ARHGEF33: variants seen among roughly 807,000 people sequenced by gnomAD.
ARHGEF33 encodes the protein Rho guanine nucleotide exchange factor 33, also known as DH and coiled-coil domain-containing protein ENSP00000381780.
ARHGEF33 carries 72 observed loss-of-function variants against 101.9 expected under a neutral mutation model. That is an observed-to-expected ratio of 0.71 (90% CI 0.58 to 0.86). The LOEUF (loss-of-function observed/expected upper bound fraction) is 0.86, where lower values mean the gene tolerates loss of function less well. Among genes scored for constraint, ARHGEF33 ranks in the 40% least tolerant of loss-of-function variants. The pLI is 0.00. For missense variants in ARHGEF33, 1,169 were observed against 1,111.3 expected, an observed-to-expected ratio of 1.05 and a Z score of -0.74; for synonymous variants, 499 against 442.5, an observed-to-expected ratio of 1.13 and a Z score of -1.60.
At chr2:38,936,393 C>G (rs563396959) in intron 8 of ARHGEF33, among the ~76,000 whole-genome samples, 3 of 152,118 alleles carry the variant, frequency 2.0e-5, no homozygotes, top group African/African-American at 7.2e-5. Flanking sequence ...TTTTTGGCAC[C>G]CTTCCTCCTC....
In ARHGEF33 at chr2:38,960,603, A is replaced by C; in HGVS notation, c.2298A>C (p.Gln766His). ...ARGASRTFFP[Q>H]QRSQSEKQTY... ...GCGCATCCAGGACCTTCTTCCCCCA[A>C]CAGAGGTCCCAAAGCGAAAAACAGA... Residue 766 changes from glutamine (Q) to histidine (H), a missense_variant, in exon 16 of 18, where the codon CAA becomes CAC. Gln to His is a conservative substitution (Grantham distance 24, BLOSUM62 0). Transcript: ENST00000409978. 7.1e-7 allele frequency: 1 copy of C among 1,415,270 alleles called. No individual in the cohort carries two copies. The highest frequency in any genetic ancestry group is 9.3e-7 in the Non-Finnish European group (1 of 1,069,684). The allele number at this position is 1,415,270 out of a possible 1,614,324, so 87.7% of individuals were successfully genotyped here.
In ARHGEF33 at chr2:38,938,224, C is replaced by T. The variant is rs544032811; in HGVS notation, c.790+665C>T. 2.4e-4 allele frequency among the ~76,000 whole-genome samples: 37 copies of T among 152,144 alleles called. No individual in the cohort carries two copies. In the South Asian group the frequency reaches 7.3e-3, roughly 30 times the overall value. ...AGGCTCAGGCTGGGTACACAGTCTT[C>T]CCCTGCTTCTATGTTTTTAAAAGAT... is the stretch of plus-strand genomic sequence containing the variant. On this transcript the variant is annotated intron_variant, in intron 9 of 17. Coordinates refer to ENST00000409978, the MANE Select transcript of ARHGEF33 (RefSeq NM_001145451.5).
At chr2:38,927,471 G>A (rs777310590) in intron 4 of ARHGEF33, among the ~76,000 whole-genome samples, 2 of 152,230 alleles carry the variant, frequency 1.3e-5, no homozygotes, top group Non-Finnish European at 2.9e-5. Flanking sequence ...CAAGAAGGGT[G>A]GATCACCTGA....
rs1280246672 is a variant in ARHGEF33 at position 38,926,666 on chromosome 2, T to G, written c.76-2241T>G. On this transcript the variant is annotated intron_variant, in intron 4 of 17. Transcript: ENST00000409978. Reference sequence around the variant, plus strand: ...TGTCACCTGGCTGTTAGGGGAAAATTTTAATAATTTTTTGAGAGCTGGGGT... The same window carrying G: ...TGTCACCTGGCTGTTAGGGGAAAATGTTAATAATTTTTTGAGAGCTGGGGT... Among the ~76,000 whole-genome samples, 10 of 152,184 alleles carry G rather than the reference T, an allele frequency of 6.6e-5. No individual in the cohort carries two copies. In the East Asian group the frequency reaches 1.9e-3, roughly 29 times the overall value.
rs1668125364 is a variant in ARHGEF33 at position 38,969,672 on chromosome 2, G to C, written c.2483+3527G>C. ...CACATTTGTCCTGGGCAGACACAAG[G>C]TCACATGTCCCTGAAAGGTATCCAT... On this transcript the variant is annotated intron_variant, in intron 17 of 17. Transcript: ENST00000409978. 5 of 156,564 alleles carry C rather than the reference G, an allele frequency of 3.2e-5. No individual in the cohort carries two copies. In the Admixed American group the frequency reaches 3.3e-4, roughly 10 times the overall value. The allele number at this position is 156,564 out of a possible 1,614,324, so 9.7% of individuals were successfully genotyped here.
chr2:38,944,287 C>T (rs1370174447), intron 10 of ARHGEF33, among the ~76,000 whole-genome samples: 8 of 152,172 alleles, frequency 5.3e-5, no homozygotes, highest in Non-Finnish European at 8.8e-5. Context: ...GATCGAGGTG[C>T]TGGCAGATTG....
At chr2:38,954,725 C>T (rs1345078676) in intron 13 of ARHGEF33, among the ~76,000 whole-genome samples, 1 of 150,368 alleles carries the variant, frequency 6.7e-6, no homozygotes, top group Non-Finnish European at 1.5e-5. Context: ...CCTCTGCCTC[C>T]TGGGTTCAAG....
chr2:38,960,582 A>C lies in ARHGEF33; in HGVS notation c.2277A>C (p.Ala759=). Residue 759 remains alanine (A), a synonymous_variant, in exon 16 of 18, where the codon GCA becomes GCC. Transcript: ENST00000409978. ...PAAAAVAARG[A]SRTFFPQQRS... Reference sequence around the variant, plus strand: ...CCGCCGCCGTCGCCGCCCGCGGCGCATCCAGGACCTTCTTCCCCCAACAGA... The same window carrying C: ...CCGCCGCCGTCGCCGCCCGCGGCGCCTCCAGGACCTTCTTCCCCCAACAGA... 1 of 1,369,320 alleles carries C rather than the reference A, an allele frequency of 7.3e-7. No individual in the cohort carries two copies. Among genetic ancestry groups the C allele is most frequent in the Non-Finnish European group, 9.6e-7 (1 of 1,044,066 alleles). The allele number at this position is 1,369,320 out of a possible 1,614,324, so 84.8% of individuals were successfully genotyped here.
chr2:38,892,105 C>G (rs1666018248), intron 1 of ARHGEF33, among the ~76,000 whole-genome samples: 1 of 152,114 alleles, frequency 6.6e-6, no homozygotes, highest in Non-Finnish European at 1.5e-5. Context: ...TAATCGGATT[C>G]TCAAATTTAT....
intron 14 of ARHGEF33, 66 bp downstream of exon 14, chr2:38,957,113 A>T (rs1226526845): frequency 2.0e-6 from 3 of 1,523,116 alleles, no homozygotes; most frequent in Non-Finnish European, 2.7e-6. Flanking sequence ...TTCACAAGTA[A>T]CCACGTTGTG....
intron 1 of ARHGEF33, among the ~76,000 whole-genome samples, chr2:38,894,221 T>TG: frequency 6.6e-6 from 1 of 151,852 alleles, no homozygotes; most frequent in Non-Finnish European, 1.5e-5. Flanking sequence ...TAGTTCCAGC[T>TG]ACTCAGAGGC....
chr2:38,895,545 C>T (rs1327885812), intron 1 of ARHGEF33, among the ~76,000 whole-genome samples: 2 of 152,116 alleles, frequency 1.3e-5, no homozygotes, highest in Non-Finnish European at 2.9e-5. Flanking sequence ...CATATGAATA[C>T]TGAGGTGATT....
chr2:38,928,790 T>C, intron 4 of ARHGEF33, 117 bp from the exon 5 acceptor site: 1 of 920,952 alleles, frequency 1.1e-6, no homozygotes, highest in Non-Finnish European at 1.6e-6. Context: ...CACTAGTAAA[T>C]GAGGTCTGTA....
intron 2 of ARHGEF33, among the ~76,000 whole-genome samples, chr2:38,912,462 C>G (rs1666529974): frequency 6.6e-6 from 1 of 152,144 alleles, no homozygotes; most frequent in South Asian, 2.1e-4. Flanking sequence ...ATTAAGCTCC[C>G]TTTTAAACTG....
intron 4 of ARHGEF33, among the ~76,000 whole-genome samples, chr2:38,926,432 C>T (rs1025306167): frequency 2.6e-4 from 40 of 152,284 alleles, no homozygotes; most frequent in African/African-American, 9.4e-4. Flanking sequence ...GCTAAAGATA[C>T]TAAGATCCCT....
chr2:38,953,974 T>A (rs1200932004), intron 12 of ARHGEF33, among the ~76,000 whole-genome samples: 6 of 152,256 alleles, frequency 3.9e-5, no homozygotes, highest in Non-Finnish European at 8.8e-5. Context: ...ACACTCCCTT[T>A]TCCATTGTCC....
intron 1 of ARHGEF33, among the ~76,000 whole-genome samples, chr2:38,895,549 G>A (rs905333968): frequency 3.3e-5 from 5 of 151,988 alleles, no homozygotes; most frequent in African/African-American, 1.2e-4. Flanking sequence ...TGAATACTGA[G>A]GTGATTGTAC....
chr2:38,925,631 A>T lies in ARHGEF33; in HGVS notation c.76-3276A>T, dbSNP rs75904658. 3.1e-4 allele frequency among the ~76,000 whole-genome samples: 47 copies of T among 152,320 alleles called. No homozygotes were observed. The East Asian group carries it at 8.7e-3, about 28-fold the overall frequency. ...ACTTTGTATTTTAAATAATTGGAAG[A>T]TGGAAGTTGGCAGAAAACTCGTGTT... On this transcript the variant is annotated intron_variant, in intron 4 of 17. Transcript: ENST00000409978.
At position 38,975,148 on chromosome 2, in the gene ARHGEF33, T is replaced by G. The variant is rs1376168823; in HGVS notation, c.*1305T>G. On this transcript the variant is annotated 3_prime_UTR_variant, in exon 18 of 18. Transcript: ENST00000409978. Reference sequence around the variant, plus strand: ...CGTTTGTTGATAAAATAGGCAAAGGTTCACATGTAAGTGTTGCAAGTTTTC... The same window carrying G: ...CGTTTGTTGATAAAATAGGCAAAGGGTCACATGTAAGTGTTGCAAGTTTTC... 1 of 152,218 alleles carries G rather than the reference T, an allele frequency of 6.6e-6. No homozygotes were observed. Among genetic ancestry groups the G allele is most frequent in the Non-Finnish European group, 1.5e-5 (1 of 68,038 alleles). 9.4% of individuals were successfully genotyped at this position (152,218 alleles called of 1,614,324 possible).
Sources: gnomAD v4.1 joint callset for allele counts (sites outside exome capture counted in the v4.1 genomes callset) on GRCh38, gnomAD v4.1.1 for gene constraint, MANE v1.5 for transcripts, NCBI Gene and HGNC (gene_info 2026-07-23, HGNC 2026-07-21) for gene names.